The following CA10 variants were observed in gnomAD, a reference collection of about 807,000 sequenced individuals.
The protein encoded by CA10 is carbonic anhydrase-related protein 10.
CA10 carries 14 observed loss-of-function variants against 44.2 expected under a neutral mutation model. The ratio of observed to expected loss-of-function variants is 0.32; its 90% CI spans 0.21 to 0.50. The LOEUF (loss-of-function observed/expected upper bound fraction) is 0.50. Among genes scored for constraint, CA10 ranks in the 20% least tolerant of loss-of-function variants. The pLI is 0.99. For missense variants in CA10, 350 were observed against 409.7 expected, an observed-to-expected ratio of 0.85 and a Z score of 1.26; for synonymous variants, 159 against 141.6, an observed-to-expected ratio of 1.12 and a Z score of -0.87.
At chr17:51,783,821 G>C (rs1180879116) in intron 3 of CA10, among the ~76,000 whole-genome samples, 3 of 152,134 alleles carry the variant, frequency 2.0e-5, no homozygotes, top group East Asian at 1.9e-4. Context: ...GGAGGCTGAG[G>C]TTCTGAGGTT....
intron 3 of CA10, among the ~76,000 whole-genome samples, chr17:51,790,949 G>A (rs1906497957): frequency 6.6e-6 from 1 of 152,222 alleles, no homozygotes; most frequent in African/African-American, 2.4e-5. Flanking sequence ...TACTGCTTAA[G>A]AGGATGCACT....
Position 51,748,594 on chromosome 17 carries a change from ACTTT to A in CA10, c.280-780_280-777del, listed in dbSNP as rs557345971. On this transcript the variant is annotated intron_variant, in intron 3 of 8. Coordinates refer to ENST00000451037, the MANE Select transcript of CA10 (RefSeq NM_020178.5). ...AACACTCATTCCCATCTGAAACTCTACTTTCTTACTCTCTTGGGTTGACTTAGCT... is the reference window on the plus strand; with the variant it reads ...AACACTCATTCCCATCTGAAACTCTACTTACTCTCTTGGGTTGACTTAGCT... 152 of 528,132 alleles carry A rather than the reference ACTTT, an allele frequency of 2.9e-4. No homozygotes were observed. In the African/African-American group the frequency reaches 3.1e-3, roughly 11 times the overall value. The allele number at this position is 528,132 out of a possible 1,614,324, so 32.7% of individuals were successfully genotyped here. A position where few individuals can be genotyped will look rare whatever the true frequency, so the allele number is the denominator to read the frequency against.
chr17:51,738,584 C>T (rs972462774), intron 4 of CA10, among the ~76,000 whole-genome samples: 1 of 152,156 alleles, frequency 6.6e-6, no homozygotes, highest in African/African-American at 2.4e-5. Flanking sequence ...ATGGCTCGCT[C>T]TCACATTGGT....
chr17:52,067,360 C>T (rs1987565158), intron 2 of CA10, among the ~76,000 whole-genome samples: 1 of 152,346 alleles, frequency 6.6e-6, no homozygotes, highest in Middle Eastern at 3.4e-3. Flanking sequence ...CCTGTGGGTG[C>T]ACAGAAGCCA....
chr17:51,707,258 C>T (rs1006859371), intron 4 of CA10, among the ~76,000 whole-genome samples: 11 of 152,116 alleles, frequency 7.2e-5, no homozygotes, highest in African/African-American at 2.4e-4. Flanking sequence ...CCAGGCTCCC[C>T]GAGCATTCTT....
At chr17:51,768,166 CTTTTTTTTTTTTTT>C (rs59128137) in intron 3 of CA10, among the ~76,000 whole-genome samples, 1 of 141,836 alleles carries the variant, frequency 7.1e-6, no homozygotes, top group Non-Finnish European at 1.5e-5. Flanking sequence ...TAAAGATGTG[CTTTTTTTTTTTTTT>C]TCTTGTTTAT....
chr17:52,042,056 A>G (rs915996179), intron 2 of CA10, among the ~76,000 whole-genome samples: 4 of 152,116 alleles, frequency 2.6e-5, no homozygotes, highest in African/African-American at 7.2e-5. Flanking sequence ...TCCAATGAAC[A>G]TGACACTGCT....
chr17:51,749,011 G>T (rs1397312208), intron 3 of CA10, among the ~76,000 whole-genome samples: 1 of 152,140 alleles, frequency 6.6e-6, no homozygotes, highest in African/African-American at 2.4e-5. Context: ...GTTGGGAGGG[G>T]TCATGACAAG....
At chr17:51,903,826 A>G (rs1050441336) in intron 3 of CA10, among the ~76,000 whole-genome samples, 2 of 152,176 alleles carry the variant, frequency 1.3e-5, no homozygotes, top group African/African-American at 4.8e-5. Context: ...ACACAAAGAA[A>G]GAGAATAAGG....
intron 2 of CA10, among the ~76,000 whole-genome samples, chr17:51,942,432 A>G (rs1255685080): frequency 6.6e-6 from 1 of 151,882 alleles, no homozygotes; most frequent in Non-Finnish European, 1.5e-5. Flanking sequence ...TTTTGCTTCT[A>G]TGATATAGTG....
chr17:51,964,230 T>C (rs757480405), intron 2 of CA10, among the ~76,000 whole-genome samples: 2 of 152,026 alleles, frequency 1.3e-5, no homozygotes, highest in Admixed American at 1.3e-4. Flanking sequence ...CCTAAATATA[T>C]ATGCATCCAA....
At chr17:52,135,027 C>T (rs1406188688) in intron 1 of CA10, 1 of 513,170 alleles carries the variant, frequency 1.9e-6, no homozygotes, top group Non-Finnish European at 3.9e-6. Flanking sequence ...ACCAGAGCCT[C>T]CTGACTGCCC....
At chr17:51,758,420 C>A (rs547799811) in intron 3 of CA10, among the ~76,000 whole-genome samples, 3 of 152,324 alleles carry the variant, frequency 2.0e-5, no homozygotes, top group African/African-American at 7.2e-5. Context: ...AAAGATATTG[C>A]TTGGTTCACT....
rs570003891 is a variant in CA10 at position 52,125,201 on chromosome 17, T to G, written c.61+32525A>C. Among the ~76,000 whole-genome samples the G allele has an allele frequency of 5.9e-5, 9 of 152,326 alleles. No homozygotes were observed. The East Asian group carries it at 1.7e-3, about 29-fold the overall frequency. On this transcript the variant is annotated intron_variant, in intron 1 of 8. Transcript: ENST00000451037. The stretch of plus-strand genomic sequence containing the variant: ...GTGTCAGTCTTCCTTGCTGCCTGAG[T>G]GCTTCCGCCATCGTGGTACCTCCTT...
chr17:51,641,795 T>A (rs891554984), intron 6 of CA10, among the ~76,000 whole-genome samples: 1 of 152,172 alleles, frequency 6.6e-6, no homozygotes, highest in African/African-American at 2.4e-5. Context: ...ACTTTTTTTT[T>A]TCAGTCTGCA....
chr17:52,157,765 G>A lies in CA10; in HGVS notation c.22C>T (p.Leu8Phe), dbSNP rs746273689. 6.2e-7 allele frequency: 1 copy of A among 1,613,952 alleles called. No individual in the cohort carries two copies. Among genetic ancestry groups the A allele is most frequent in the Admixed American group, 1.7e-5 (1 of 60,018 alleles). MEIVWEV[L>F]FLLQANFIVC... The stretch of plus-strand genomic sequence containing the variant: ...ATGAAATTGGCTTGAAGAAGAAAAA[G>A]CACCTCCCAGACTATTTCCATCCTC... The change falls in exon 1 of 9, where the codon CTT becomes TTT. Residue 8 changes from leucine (L) to phenylalanine (F), a missense_variant. By Grantham distance (22) the Leu-to-Phe change is conservative. Coordinates refer to ENST00000451037, the MANE Select transcript of CA10 (RefSeq NM_020178.5).
chr17:51,715,208 G>A (rs1916062222), intron 4 of CA10, among the ~76,000 whole-genome samples: 1 of 151,962 alleles, frequency 6.6e-6, no homozygotes, highest in Non-Finnish European at 1.5e-5. Context: ...ACACACCAGG[G>A]ACTGTTGTGG....
At chr17:51,769,222 TG>T (rs1479053959) in intron 3 of CA10, among the ~76,000 whole-genome samples, 7 of 151,816 alleles carry the variant, frequency 4.6e-5, no homozygotes, top group Non-Finnish European at 8.8e-5. Flanking sequence ...GCTGGTGGGG[TG>T]GGAGAGCTGA....
chr17:51,722,935 G>C (rs575161029), intron 4 of CA10, among the ~76,000 whole-genome samples: 2 of 152,160 alleles, frequency 1.3e-5, no homozygotes, highest in African/African-American at 4.8e-5. Flanking sequence ...TATCATCTAG[G>C]CCCCCAGTGC....
Sources: gnomAD v4.1 joint callset for allele counts (sites outside exome capture counted in the v4.1 genomes callset) on GRCh38, gnomAD v4.1.1 for gene constraint, MANE v1.5 for transcripts, NCBI Gene and HGNC (gene_info 2026-07-23, HGNC 2026-07-21) for gene names.